The following NEDD4L variants were observed in gnomAD, a reference collection of about 807,000 sequenced individuals.
NEDD4L encodes E3 ubiquitin-protein ligase NEDD4-like.
NEDD4L carries 54 observed loss-of-function variants against 148.9 expected under a neutral mutation model. The observed-to-expected ratio is 0.36, with a 90% CI of 0.29 to 0.45. NEDD4L has a LOEUF of 0.45. NEDD4L is among the 20% of genes least tolerant of loss of function. The pLI, the probability that NEDD4L is intolerant of heterozygous loss-of-function variation, is 1.00. For synonymous variants in NEDD4L, 433 were observed against 440.7 expected, an observed-to-expected ratio of 0.98 and a Z score of 0.22; for missense variants, 856 against 1,233.8, an observed-to-expected ratio of 0.69 and a Z score of 4.59.
chr18:58,341,782 A>G lies in NEDD4L; in HGVS notation c.1362A>G (p.Leu454=). 1 of 1,613,388 alleles carries G rather than the reference A, an allele frequency of 6.2e-7. No individual in the cohort carries two copies. The highest frequency in any genetic ancestry group is 8.5e-7 in the Non-Finnish European group (1 of 1,179,732). ...PRSLSSPTVT[L]SAPLEGAKDS... ...GCCTCAGCTCGCCAACAGTAACTTT[A>G]TCTGCCCCGCTGGAGGTGAGACGGC... Residue 454 remains leucine, a synonymous_variant, in exon 15 of 31, where the codon TTA becomes TTG. Coordinates refer to ENST00000400345, the MANE Select transcript of NEDD4L (RefSeq NM_001144967.3).
At chr18:58,252,540 C>T (rs757185111) in intron 5 of NEDD4L, among the ~76,000 whole-genome samples, 2 of 152,028 alleles carry the variant, frequency 1.3e-5, no homozygotes, top group African/African-American at 4.8e-5. Context: ...AAAGTCAAGC[C>T]GTATTTTAAA....
At chr18:58,097,457 A>G (rs148298559) in intron 1 of NEDD4L, among the ~76,000 whole-genome samples, 127 of 152,344 alleles carry the variant, frequency 8.3e-4, no homozygotes, top group African/African-American at 3.0e-3. Context: ...ACTTTTAATG[A>G]GTGAAGGACA....
chr18:58,242,508 AGGGTCTCACTCTGTCC>A lies in NEDD4L; in HGVS notation c.123-2903_123-2888del, dbSNP rs553869475. On this transcript the variant is annotated intron_variant, in intron 2 of 30. Coordinates refer to ENST00000400345, the MANE Select transcript of NEDD4L (RefSeq NM_001144967.3). The stretch of plus-strand genomic sequence containing the variant: ...TTATTTATGAATGAATGAATGAGAC[AGGGTCTCACTCTGTCC>A]GGGTCTCACTCTGTCGCCCATCCTG... Among the ~76,000 whole-genome samples the A allele has an allele frequency of 6.4e-4, 97 of 152,058 alleles. 1 individual carries two copies. In the East Asian group the frequency reaches 0.015, roughly 23 times the overall value.
intron 5 of NEDD4L, among the ~76,000 whole-genome samples, chr18:58,306,104 G>T (rs2149306087): frequency 6.6e-6 from 1 of 152,274 alleles, no homozygotes; most frequent in East Asian, 1.9e-4. Context: ...GGAAAGGAGA[G>T]CCACAGAAGG....
At chr18:58,319,602 G>A (rs2058595935) in intron 6 of NEDD4L, among the ~76,000 whole-genome samples, 1 of 152,216 alleles carries the variant, frequency 6.6e-6, no homozygotes, top group African/African-American at 2.4e-5. Flanking sequence ...CTTTCCACCA[G>A]GAGCACCCTC....
Position 58,396,953 on chromosome 18 carries a change from G to T in NEDD4L, c.*684G>T, listed in dbSNP as rs547502654. ...TACGTTTTTGTTTTGGGGTTTTTTT[G>T]TACAAATTTAGCTAATAGCTACAGG... On this transcript the variant is annotated 3_prime_UTR_variant, in exon 31 of 31. Transcript: ENST00000400345. The T allele has an allele frequency of 3.9e-5, 6 of 152,406 alleles. No homozygotes were observed. The highest frequency in any genetic ancestry group is 2.0e-4 in the Admixed American group (3 of 15,270). The allele number at this position is 152,406 out of a possible 1,614,324, so 9.4% of individuals were successfully genotyped here. A position where few individuals can be genotyped will look rare whatever the true frequency, so the allele number is the denominator to read the frequency against.
intron 25 of NEDD4L, 132 bp from the exon 26 acceptor site, chr18:58,385,394 T>C (rs2048877535): frequency 3.9e-6 from 3 of 768,348 alleles, no homozygotes; most frequent in Non-Finnish European, 4.7e-6. Flanking sequence ...AACTAAACAG[T>C]GGGGGCACAG....
chr18:58,273,196 C>G (rs1022350090), intron 5 of NEDD4L, among the ~76,000 whole-genome samples: 1 of 152,186 alleles, frequency 6.6e-6, no homozygotes, highest in African/African-American at 2.4e-5. Context: ...ACAGGGGCCC[C>G]TGGATTGTTC....
Position 58,075,230 on chromosome 18 carries a change from C to G in NEDD4L, c.48+30522C>G, listed in dbSNP as rs151069461. Among the ~76,000 whole-genome samples, 820 of 152,258 alleles carry G rather than the reference C, an allele frequency of 5.4e-3. 7 individuals are homozygous for G. Among genetic ancestry groups the G allele is most frequent in the South Asian group, 0.024 (115 of 4,818 alleles). ...TGTTTTAGACAGTCTTGCTCTGTCG[C>G]CTTCGCCTCCTGGATGTTCAAACAG... is the stretch of plus-strand genomic sequence containing the variant. On this transcript the variant is annotated intron_variant, in intron 1 of 30. Transcript: ENST00000400345.
intron 1 of NEDD4L, among the ~76,000 whole-genome samples, chr18:58,140,707 AG>A (rs2033406274): frequency 2.0e-5 from 3 of 152,158 alleles, no homozygotes; most frequent in Non-Finnish European, 4.4e-5. Context: ...TCAGAGGAGG[AG>A]TGCCTTTCTG....
chr18:58,056,941 AG>A (rs1418071509), intron 1 of NEDD4L, among the ~76,000 whole-genome samples: 1 of 139,540 alleles, frequency 7.2e-6, no homozygotes, highest in East Asian at 2.2e-4. Context: ...GTACTTGTAA[AG>A]GAAAGAGAAC....
chr18:58,199,539 A>G (rs921649582), intron 2 of NEDD4L, among the ~76,000 whole-genome samples: 2 of 152,176 alleles, frequency 1.3e-5, no homozygotes, highest in Admixed American at 6.5e-5. Context: ...CCGGCACTTT[A>G]GGAGGCTGGG....
chr18:58,176,374 T>C (rs897669312), intron 2 of NEDD4L, among the ~76,000 whole-genome samples: 1 of 152,170 alleles, frequency 6.6e-6, no homozygotes, highest in African/African-American at 2.4e-5. Context: ...CTTGCTCTGT[T>C]GCACAGGTTA....
chr18:58,096,553 A>G (rs1305159425), intron 1 of NEDD4L, among the ~76,000 whole-genome samples: 1 of 151,986 alleles, frequency 6.6e-6, no homozygotes, highest in Admixed American at 6.5e-5. Flanking sequence ...ACAGGCATGC[A>G]CCACAATGCC....
intron 2 of NEDD4L, among the ~76,000 whole-genome samples, chr18:58,183,356 C>T (rs150929382): frequency 3.5e-3 from 529 of 152,328 alleles, no homozygotes; most frequent in African/African-American, 0.012. Context: ...GAAGTTAATA[C>T]GGGTTTGGCA....
chr18:58,192,584 C>T (rs188385446), intron 2 of NEDD4L, among the ~76,000 whole-genome samples: 5 of 152,130 alleles, frequency 3.3e-5, no homozygotes, highest in African/African-American at 9.7e-5. Flanking sequence ...ATGGTTTTTC[C>T]TAGCTGTCTT....
In NEDD4L at chr18:58,200,742, G is replaced by A. The variant is rs188379388; in HGVS notation, c.122+34881G>A. The stretch of plus-strand genomic sequence containing the variant: ...CTTACAGATGAAAGAACTTGAGCTG[G>A]AATCAATTCGAGTCACTTACCTTCG... On this transcript the variant is annotated intron_variant, in intron 2 of 30. Coordinates refer to ENST00000400345, the MANE Select transcript of NEDD4L (RefSeq NM_001144967.3). 1.6e-4 allele frequency among the ~76,000 whole-genome samples: 24 copies of A among 152,326 alleles called. 1 individual carries two copies. The East Asian group carries it at 4.6e-3, about 29-fold the overall frequency.
chr18:58,227,529 C>G (rs542557051), intron 2 of NEDD4L, among the ~76,000 whole-genome samples: 1 of 152,116 alleles, frequency 6.6e-6, no homozygotes, highest in Non-Finnish European at 1.5e-5. Flanking sequence ...TAGGACTGTG[C>G]GGTCAGTCGA....
At chr18:58,195,146 A>T (rs1889630565) in intron 2 of NEDD4L, among the ~76,000 whole-genome samples, 2 of 152,202 alleles carry the variant, frequency 1.3e-5, no homozygotes, top group Non-Finnish European at 2.9e-5. Flanking sequence ...TTAGGAAAAG[A>T]TGCCACTGAT....
Sources: gnomAD v4.1 joint callset for allele counts (sites outside exome capture counted in the v4.1 genomes callset) on GRCh38, gnomAD v4.1.1 for gene constraint, MANE v1.5 for transcripts, NCBI Gene and HGNC (gene_info 2026-07-23, HGNC 2026-07-21) for gene names.